The following MCF2L2 variants were observed in gnomAD, a reference collection of about 807,000 sequenced individuals.
MCF2L2 encodes the protein MCF.2 cell line derived transforming sequence-like 2.
MCF2L2 carries 102 observed loss-of-function variants against 150.2 expected under a neutral mutation model. The observed-to-expected ratio is 0.68, with a 90% CI of 0.58 to 0.80. The LOEUF is 0.80. MCF2L2 is among the 30% of genes least tolerant of loss of function. The pLI, the probability that MCF2L2 is intolerant of heterozygous loss-of-function variation, is 0.00. For synonymous variants in MCF2L2, 465 were observed against 491.3 expected (o/e 0.95, Z 0.71); for missense variants, 1,256 against 1,372.8 (o/e 0.91, Z 1.34).
At chr3:183,322,906 G>A (rs1236419098) in intron 6 of MCF2L2, among the ~76,000 whole-genome samples, 1 of 152,128 alleles carries the variant, frequency 6.6e-6, no homozygotes, top group African/African-American at 2.4e-5. Context: ...GTGTGTTAAT[G>A]TCTAAGACCC....
chr3:183,274,742 G>T (rs1727058418), intron 15 of MCF2L2, among the ~76,000 whole-genome samples: 1 of 152,182 alleles, frequency 6.6e-6, no homozygotes, highest in Admixed American at 6.5e-5. Flanking sequence ...TATTCATTCT[G>T]TGATAATAAT....
intron 14 of MCF2L2, among the ~76,000 whole-genome samples, chr3:183,282,847 T>TG (rs1167516474): frequency 2.0e-5 from 3 of 152,196 alleles, no homozygotes. Context: ...ACAAGGCCAG[T>TG]GGGTTGACTA....
intron 5 of MCF2L2, among the ~76,000 whole-genome samples, chr3:183,334,030 C>T (rs1486159698): frequency 6.6e-6 from 1 of 151,538 alleles, no homozygotes; most frequent in Non-Finnish European, 1.5e-5. Flanking sequence ...AAGGGGTTCC[C>T]GCTGGCCAAA....
intron 5 of MCF2L2, among the ~76,000 whole-genome samples, chr3:183,326,744 T>C (rs4859160): frequency 0.05 from 7,662 of 151,906 alleles, 534 homozygotes; most frequent in African/African-American, 0.15. Context: ...TTCCCACATA[T>C]GTTGTTTCCT....
chr3:183,270,586 A>G lies in MCF2L2; in HGVS notation c.1862+6286T>C. 3.1e-6 allele frequency: 5 copies of G among 1,614,198 alleles called. No homozygotes were observed. The highest frequency in any genetic ancestry group is 4.2e-6 in the Non-Finnish European group (5 of 1,180,040). On this transcript the variant is annotated intron_variant, in intron 15 of 29. Coordinates refer to ENST00000328913, the MANE Select transcript of MCF2L2 (RefSeq NM_015078.4). The surrounding 1 kb of genome is among the most constrained non-coding windows in gnomAD (Gnocchi z 4.5). ...GGAGCTGCCTATGTAATCTCCGGTG[A>G]TGTAGCTGCCAAAGTCTATGAGGCA...
intron 6 of MCF2L2, among the ~76,000 whole-genome samples, chr3:183,322,257 A>G (rs1729842282): frequency 6.6e-6 from 1 of 152,244 alleles, no homozygotes; most frequent in Non-Finnish European, 1.5e-5. Context: ...AATACTATAT[A>G]TCAGGTGCTT....
chr3:183,274,360 C>A (rs41418749), intron 15 of MCF2L2, among the ~76,000 whole-genome samples: 3,917 of 152,216 alleles, frequency 0.026, 174 homozygotes, highest in African/African-American at 0.087. Context: ...TTCTTTGACA[C>A]GGTTAGCTGT....
chr3:183,262,438 G>A (rs188986967), intron 15 of MCF2L2, among the ~76,000 whole-genome samples: 46 of 152,018 alleles, frequency 3.0e-4, no homozygotes, highest in Admixed American at 2.2e-3. Context: ...TGTTCACTGT[G>A]GATTTTTTTC....
rs558420298 is a variant in MCF2L2, at chr3:183,378,361, C to A, written c.275+936G>T. 4 of 152,404 alleles carry A rather than the reference C, an allele frequency of 2.6e-5. No individual in the cohort carries two copies. In the East Asian group the frequency reaches 5.8e-4, roughly 22 times the overall value. The allele number at this position is 152,404 out of a possible 1,614,324, so 9.4% of individuals were successfully genotyped here. A position where few individuals can be genotyped will look rare whatever the true frequency, so the allele number is the denominator to read the frequency against. ...GGAGGGGGTTTAGACCCCGCTCTGC[C>A]CCGGTCTGTGAAATGGTGGTGACCA... On this transcript the variant is annotated intron_variant, in intron 3 of 29. Coordinates refer to ENST00000328913, the MANE Select transcript of MCF2L2 (RefSeq NM_015078.4).
chr3:183,274,305 G>T (rs985371766), intron 15 of MCF2L2, among the ~76,000 whole-genome samples: 7 of 152,226 alleles, frequency 4.6e-5, no homozygotes, highest in Non-Finnish European at 1.0e-4. Flanking sequence ...ATCACCTGTA[G>T]TTATAGCGCT....
intron 3 of MCF2L2, among the ~76,000 whole-genome samples, chr3:183,359,003 GTT>G (rs111465269): frequency 6.3e-5 from 9 of 143,408 alleles, no homozygotes; most frequent in South Asian, 2.2e-4. Flanking sequence ...AGTTCATTGG[GTT>G]TTTTTTTTTT....
At chr3:183,264,026 C>T (rs1488783638) in intron 15 of MCF2L2, among the ~76,000 whole-genome samples, 1 of 152,178 alleles carries the variant, frequency 6.6e-6, no homozygotes, top group South Asian at 2.1e-4. Flanking sequence ...GCATTTCACC[C>T]CATACCACCA....
At chr3:183,262,570 C>T (rs964544358) in intron 15 of MCF2L2, among the ~76,000 whole-genome samples, 23 of 152,092 alleles carry the variant, frequency 1.5e-4, no homozygotes, top group African/African-American at 3.9e-4. Flanking sequence ...AGTCCCGGCC[C>T]GATCAGTATG....
chr3:183,262,970 C>T (rs1560380422), intron 15 of MCF2L2, among the ~76,000 whole-genome samples: 1 of 151,930 alleles, frequency 6.6e-6, no homozygotes, highest in East Asian at 1.9e-4. Context: ...GCAAAGGTGT[C>T]CAATGATTCT....
chr3:183,381,553 A>G (rs2108589424), intron 2 of MCF2L2, among the ~76,000 whole-genome samples: 1 of 152,336 alleles, frequency 6.6e-6, no homozygotes, highest in South Asian at 2.1e-4. Context: ...TAAGTATATT[A>G]TGTAAAGAAT....
intron 3 of MCF2L2, among the ~76,000 whole-genome samples, chr3:183,360,523 T>C (rs1265831449): frequency 1.3e-5 from 2 of 151,930 alleles, no homozygotes; most frequent in African/African-American, 4.8e-5. Flanking sequence ...GCTATGATCA[T>C]GCATGCAACT....
At chr3:183,202,138 A>G (rs1285132299) in intron 25 of MCF2L2, among the ~76,000 whole-genome samples, 1 of 152,070 alleles carries the variant, frequency 6.6e-6, no homozygotes, top group Non-Finnish European at 1.5e-5. Context: ...ATTCTTAGAG[A>G]ATTATCATTA....
chr3:183,387,892 A>G (rs953360639), intron 2 of MCF2L2, among the ~76,000 whole-genome samples: 6 of 138,480 alleles, frequency 4.3e-5, no homozygotes, highest in Non-Finnish European at 9.2e-5. Flanking sequence ...AGATCGTGCT[A>G]TTGCACGCCA....
intron 27 of MCF2L2, among the ~76,000 whole-genome samples, chr3:183,184,613 T>C (rs1721634156): frequency 6.6e-6 from 1 of 152,264 alleles, no homozygotes. Flanking sequence ...AAATCTAGTG[T>C]TCACATTTAG....
Sources: gnomAD v4.1 joint callset for allele counts (sites outside exome capture counted in the v4.1 genomes callset) on GRCh38, gnomAD v4.1.1 for gene constraint, Gnocchi (gnomAD v3.1) non-coding constraint, MANE v1.5 for transcripts, NCBI Gene and HGNC (gene_info 2026-07-23, HGNC 2026-07-21) for gene names.